Variants in BCKDHB observed in about 807,000 individuals in gnomAD.
The protein encoded by BCKDHB is 2-oxoisovalerate dehydrogenase subunit beta, mitochondrial.
BCKDHB carries 41 observed loss-of-function variants against 48.5 expected under a neutral mutation model. The ratio of observed to expected loss-of-function variants is 0.85; its 90% confidence interval spans 0.66 to 1.10. The LOEUF (loss-of-function observed/expected upper bound fraction) is 1.10, where lower values mean the gene tolerates loss of function less well. BCKDHB is among the 50% of genes least tolerant of loss of function. BCKDHB has a pLI of 0.00. For synonymous variants in BCKDHB, 201 were observed against 174.8 expected, an observed-to-expected ratio of 1.15 and a Z score of -1.18; for missense variants, 496 against 494.2, an observed-to-expected ratio of 1.00 and a Z score of -0.03.
chr6:80,185,447 A>G (rs2490251), intron 6 of BCKDHB, among the ~76,000 whole-genome samples: 93,764 of 151,702 alleles, frequency 0.62, 29,234 homozygotes, highest in South Asian at 0.76. Flanking sequence ...TCTTCGTTTG[A>G]ATCTATTGTT....
intron 9 of BCKDHB, among the ~76,000 whole-genome samples, chr6:80,302,355 AT>A (rs1161828450): frequency 6.6e-6 from 1 of 152,216 alleles, no homozygotes; most frequent in Admixed American, 6.5e-5. Flanking sequence ...ATATACAGTA[AT>A]GTCTAATTGA....
the BCKDHB span, among the ~76,000 whole-genome samples, chr6:80,392,187 C>T: frequency 6.6e-6 from 1 of 151,876 alleles, no homozygotes; most frequent in Non-Finnish European, 1.5e-5. Context: ...AGAGGCAGGG[C>T]TCCACTATGT....
chr6:80,409,862 C>A, the BCKDHB span, among the ~76,000 whole-genome samples: 1 of 151,618 alleles, frequency 6.6e-6, no homozygotes, highest in Non-Finnish European at 1.5e-5. Flanking sequence ...TCTGATGGTT[C>A]TTGATTCTTT....
the BCKDHB span, among the ~76,000 whole-genome samples, chr6:80,404,218 G>A: frequency 6.6e-6 from 1 of 151,896 alleles, no homozygotes; most frequent in Non-Finnish European, 1.5e-5. Flanking sequence ...TCTTTTCAAA[G>A]GGAATTTTTT....
At chr6:80,272,350 G>A (rs986551157) in intron 8 of BCKDHB, among the ~76,000 whole-genome samples, 6 of 152,074 alleles carry the variant, frequency 3.9e-5, no homozygotes, top group Non-Finnish European at 7.4e-5. Flanking sequence ...GAAATCTAAA[G>A]ACAAAACTGC....
chr6:80,391,177 A>ATGTGTG, the BCKDHB span, among the ~76,000 whole-genome samples: 67 of 149,226 alleles, frequency 4.5e-4, 2 homozygotes, highest in South Asian at 4.4e-3. Context: ...GCATATATAT[A>ATGTGTG]TGTGTGTGTG....
chr6:80,428,065 C>A, the BCKDHB span, among the ~76,000 whole-genome samples: 3 of 151,698 alleles, frequency 2.0e-5, no homozygotes, highest in Non-Finnish European at 4.4e-5. Flanking sequence ...ATGTTCCCCT[C>A]CCTGTGTCCA....
At chr6:80,441,636 C>T in the BCKDHB span, among the ~76,000 whole-genome samples, 12 of 152,100 alleles carry the variant, frequency 7.9e-5, no homozygotes, top group Admixed American at 3.3e-4. Context: ...TCTGGTTCCT[C>T]AGTGCTTTTT....
intron 3 of BCKDHB, among the ~76,000 whole-genome samples, chr6:80,133,106 T>A (rs1305734246): frequency 1.3e-5 from 2 of 152,136 alleles, no homozygotes; most frequent in Non-Finnish European, 2.9e-5. Context: ...GTGCTGAATG[T>A]TGAGTGGGAA....
At chr6:80,446,787 T>A in the BCKDHB span, among the ~76,000 whole-genome samples, 1 of 140,150 alleles carries the variant, frequency 7.1e-6, no homozygotes, top group Admixed American at 8.7e-5. Flanking sequence ...ATTTAGCGGA[T>A]CTGGGTGGGA....
chr6:80,318,541 C>T (rs1006153118), intron 9 of BCKDHB, among the ~76,000 whole-genome samples: 9 of 151,862 alleles, frequency 5.9e-5, no homozygotes, highest in African/African-American at 1.5e-4. Context: ...AAAAATTAGC[C>T]GGGCATGGCA....
intron 8 of BCKDHB, among the ~76,000 whole-genome samples, chr6:80,220,084 T>C (rs1262773584): frequency 6.6e-6 from 1 of 152,102 alleles, no homozygotes. Flanking sequence ...TTCTTTCTTT[T>C]TTTTGTATAT....
rs377686125 is a variant in BCKDHB, at chr6:80,308,804, G to T, written c.1039-34860G>T. The stretch of plus-strand genomic sequence containing the variant: ...TAGAGACGGAGTTTCACCGTGTCTC[G>T]ATCTCCTGATCTCGTCATCTGCCCG... On this transcript the variant is annotated intron_variant, in intron 9 of 9. Transcript: ENST00000320393. Among the ~76,000 whole-genome samples, 18 of 151,700 alleles carry T rather than the reference G, an allele frequency of 1.2e-4. No homozygotes were observed. In the East Asian group the frequency reaches 1.8e-3, roughly 15 times the overall value.
At chr6:80,227,242 G>A (rs1226656672) in intron 8 of BCKDHB, among the ~76,000 whole-genome samples, 1 of 152,172 alleles carries the variant, frequency 6.6e-6, no homozygotes, top group Non-Finnish European at 1.5e-5. Context: ...TTGGAGGAAA[G>A]CAATGTAGTT....
At chr6:80,275,556 T>C (rs1446357791) in intron 9 of BCKDHB, among the ~76,000 whole-genome samples, 1 of 152,062 alleles carries the variant, frequency 6.6e-6, no homozygotes, top group African/African-American at 2.4e-5. Flanking sequence ...TTTGCACAAA[T>C]AGAAAGTATA....
intron 9 of BCKDHB, among the ~76,000 whole-genome samples, chr6:80,279,946 A>G (rs1220502387): frequency 6.6e-6 from 1 of 152,216 alleles, no homozygotes; most frequent in African/African-American, 2.4e-5. Context: ...CTCATGAAGG[A>G]TAAGTATGAA....
At chr6:80,309,175 TG>T (rs1768033465) in intron 9 of BCKDHB, among the ~76,000 whole-genome samples, 1 of 152,006 alleles carries the variant, frequency 6.6e-6, no homozygotes, top group Admixed American at 6.6e-5. Context: ...GTGATTCTCC[TG>T]CCTCAGCCTC....
In BCKDHB at chr6:80,279,532, A is replaced by G. The variant is rs144402221; in HGVS notation, c.1038+6311A>G. On this transcript the variant is annotated intron_variant, in intron 9 of 9. Transcript: ENST00000320393. ...TATGTATTATTTTCTTAAAACACAC[A>G]TCAAATTTCGTCCATTGTCTGTTTG... Among the ~76,000 whole-genome samples, 13 of 152,068 alleles carry G rather than the reference A, an allele frequency of 8.5e-5. No homozygotes were observed. The East Asian group carries it at 1.9e-3, about 23-fold the overall frequency.
chr6:80,339,764 T>C (rs778803922), intron 9 of BCKDHB, among the ~76,000 whole-genome samples: 5 of 152,254 alleles, frequency 3.3e-5, no homozygotes, highest in Admixed American at 1.3e-4. Flanking sequence ...TTAACTCATA[T>C]GGCCCTCAAG....
Sources: allele counts gnomAD v4.1 joint callset (sites outside exome capture counted in the v4.1 genomes callset), GRCh38; gene constraint gnomAD v4.1.1; transcripts MANE v1.5; gene names NCBI Gene and HGNC (gene_info 2026-07-23, HGNC 2026-07-21).